TRDN: variants seen among roughly 807,000 people sequenced by gnomAD.
TRDN encodes triadin in skeletal muscle.
Under a neutral mutation model 149.7 loss-of-function variants are expected in TRDN, and 161 were observed. That is an observed-to-expected ratio of 1.08 (90% CI 0.95 to 1.23). The LOEUF (loss-of-function observed/expected upper bound fraction) is 1.23. TRDN is among the 50% of genes most tolerant of loss of function. TRDN has a pLI of 0.00. For missense variants in TRDN, 896 were observed against 823.5 expected, an observed-to-expected ratio of 1.09 and a Z score of -1.08; for synonymous variants, 294 against 250.5, an observed-to-expected ratio of 1.17 and a Z score of -1.64.
At chr6:123,263,823 G>A (rs1031765423) in intron 33 of TRDN, among the ~76,000 whole-genome samples, 3 of 151,976 alleles carry the variant, frequency 2.0e-5, no homozygotes, top group East Asian at 1.9e-4. Flanking sequence ...AAAATTTTAG[G>A]TCCCTTAAGA....
chr6:123,371,150 T>C (rs1221418240), intron 19 of TRDN, among the ~76,000 whole-genome samples: 1 of 152,154 alleles, frequency 6.6e-6, no homozygotes, highest in African/African-American at 2.4e-5. Flanking sequence ...AGAAACTGTA[T>C]ATTTTCCTAG....
intron 10 of TRDN, among the ~76,000 whole-genome samples, chr6:123,443,098 T>C (rs969220970): frequency 2.0e-5 from 3 of 152,068 alleles, no homozygotes; most frequent in Admixed American, 1.3e-4. Context: ...TGGGAATGGG[T>C]AACCTAAAAA....
At chr6:123,282,989 A>C (rs560518448) in intron 24 of TRDN, among the ~76,000 whole-genome samples, 1 of 152,034 alleles carries the variant, frequency 6.6e-6, no homozygotes, top group East Asian at 1.9e-4. Context: ...GGACATTATA[A>C]ATTTTATAAT....
intron 4 of TRDN, among the ~76,000 whole-genome samples, chr6:123,538,437 A>C (rs1780659289): frequency 1.3e-5 from 2 of 152,240 alleles, no homozygotes; most frequent in South Asian, 4.1e-4. Context: ...ATATCTGTAT[A>C]TTCTTTGATT....
chr6:123,387,722 G>C (rs1490395967), intron 14 of TRDN, among the ~76,000 whole-genome samples: 6 of 152,036 alleles, frequency 3.9e-5, no homozygotes, highest in Non-Finnish European at 7.4e-5. Flanking sequence ...ACCAACATGA[G>C]GTCACAAATG....
intron 9 of TRDN, among the ~76,000 whole-genome samples, chr6:123,482,326 A>G (rs1356389682): frequency 6.6e-6 from 1 of 152,230 alleles, no homozygotes; most frequent in Admixed American, 6.5e-5. Flanking sequence ...ATAAACTGAA[A>G]TATTTTGTAG....
intron 12 of TRDN, among the ~76,000 whole-genome samples, chr6:123,409,396 T>C (rs941995986): frequency 6.6e-6 from 1 of 152,228 alleles, no homozygotes; most frequent in Non-Finnish European, 1.5e-5. Flanking sequence ...AAGGTCACGC[T>C]TTGAATCTTG....
At chr6:123,380,035 A>T (rs1781654471) in intron 16 of TRDN, among the ~76,000 whole-genome samples, 2 of 152,344 alleles carry the variant, frequency 1.3e-5, no homozygotes, top group South Asian at 4.1e-4. Flanking sequence ...ATTCAAAGAT[A>T]CAACACTAAC....
At chr6:123,324,367 G>A (rs903729361) in intron 23 of TRDN, among the ~76,000 whole-genome samples, 1 of 151,870 alleles carries the variant, frequency 6.6e-6, no homozygotes, top group East Asian at 1.9e-4. Context: ...ATAATTCCAG[G>A]TACTCAGGAG....
At chr6:123,300,305 A>G (rs1025700112) in intron 24 of TRDN, among the ~76,000 whole-genome samples, 9 of 152,038 alleles carry the variant, frequency 5.9e-5, no homozygotes, top group African/African-American at 2.2e-4. Context: ...AGAAAGCTCA[A>G]AAAGTTCAAA....
intron 12 of TRDN, among the ~76,000 whole-genome samples, chr6:123,400,966 T>A (rs1772944322): frequency 6.6e-6 from 1 of 152,320 alleles, no homozygotes; most frequent in East Asian, 1.9e-4. Flanking sequence ...CTGGCTTTTG[T>A]GTACCTTGTA....
intron 8 of TRDN, among the ~76,000 whole-genome samples, chr6:123,500,151 T>C (rs4897258): frequency 0.85 from 129,464 of 152,060 alleles, 55,196 homozygotes; most frequent in East Asian, 0.98. Context: ...GTTTTTTAAC[T>C]TAGAAAATTA....
chr6:123,262,265 C>T (rs1330966619), intron 33 of TRDN, among the ~76,000 whole-genome samples: 1 of 151,942 alleles, frequency 6.6e-6, no homozygotes, highest in African/African-American at 2.4e-5. Context: ...TTTTTCTCAA[C>T]CCACACAATA....
chr6:123,366,707 G>A (rs1177054147), intron 19 of TRDN, among the ~76,000 whole-genome samples: 3 of 152,012 alleles, frequency 2.0e-5, no homozygotes, highest in Admixed American at 6.5e-5. Context: ...TAGTAGAGAC[G>A]GGGTTTCACC....
intron 5 of TRDN, among the ~76,000 whole-genome samples, chr6:123,517,387 C>A (rs1430413234): frequency 7.2e-5 from 11 of 152,002 alleles, no homozygotes; most frequent in South Asian, 2.1e-4. Flanking sequence ...CTCTTTTGAA[C>A]CTTTAGATTT....
chr6:123,546,070 G>A (rs1048043982), intron 4 of TRDN, among the ~76,000 whole-genome samples: 19 of 152,118 alleles, frequency 1.2e-4, no homozygotes, highest in African/African-American at 4.3e-4. Context: ...TCCAGATAAT[G>A]ACTAATAACT....
rs934866136 is a variant in TRDN, at chr6:123,503,004, C to A, written c.793+715G>T. On this transcript the variant is annotated intron_variant, in intron 8 of 40. Transcript: ENST00000334268. Reference sequence around the variant, plus strand: ...TCAGCTCTGTATATTCACATAGCAACCTTCCATAAAATAAAAATTCAGGTT... The same window carrying A: ...TCAGCTCTGTATATTCACATAGCAAACTTCCATAAAATAAAAATTCAGGTT... 5.1e-6 allele frequency: 5 copies of A among 985,116 alleles called. No homozygotes were observed. In the African/African-American group the frequency reaches 5.2e-5, roughly 10 times the overall value. 61.0% of individuals were successfully genotyped at this position (985,116 alleles called of 1,614,324 possible). A position where few individuals can be genotyped will look rare whatever the true frequency, so the allele number is the denominator to read the frequency against.
chr6:123,437,577 A>G (rs975317722), intron 12 of TRDN, among the ~76,000 whole-genome samples: 2 of 151,678 alleles, frequency 1.3e-5, no homozygotes, highest in Non-Finnish European at 2.9e-5. Context: ...CACAACCCAT[A>G]AAGCCTTTCT....
At chr6:123,219,878 C>T (rs187629196) in intron 40 of TRDN, among the ~76,000 whole-genome samples, 1 of 151,804 alleles carries the variant, frequency 6.6e-6, no homozygotes, top group Admixed American at 6.6e-5. Flanking sequence ...AAATGGAAAT[C>T]CATTGCTAAA....
Sources: gnomAD v4.1 joint callset for allele counts (sites outside exome capture counted in the v4.1 genomes callset) on GRCh38, gnomAD v4.1.1 for gene constraint, MANE v1.5 for transcripts, NCBI Gene and HGNC (gene_info 2026-07-23, HGNC 2026-07-21) for gene names.